HIGD1A: variants seen among roughly 807,000 people sequenced by gnomAD.
HIGD1A encodes HIG1 hypoxia inducible domain family member 1A, also known as HIG1 domain family member 1A, mitochondrial.
HIGD1A carries 8 observed loss-of-function variants against 11.3 expected under a neutral mutation model. That is an observed-to-expected ratio of 0.71 (90% CI 0.42 to 1.28). The LOEUF (loss-of-function observed/expected upper bound fraction) is 1.28, where lower values mean the gene tolerates loss of function less well. Ranked by LOEUF, HIGD1A falls within the 50% of genes most tolerant of loss-of-function variation. HIGD1A has a pLI of 0.01. For synonymous variants in HIGD1A, 32 were observed against 38.4 expected (o/e 0.83, Z 0.62); for missense variants, 107 against 118.8 (o/e 0.90, Z 0.46).
At chr3:42,786,224 C>A in intron 2 of HIGD1A, 62 bp from the exon 3 acceptor site, 1 of 1,516,258 alleles carries the variant, frequency 6.6e-7, no homozygotes, top group Admixed American at 1.7e-5. Flanking sequence ...ACTTTACCAT[C>A]AGTCAATGTA....
chr3:42,786,441 C>T (rs57317645), intron 2 of HIGD1A, among the ~76,000 whole-genome samples: 2,424 of 152,164 alleles, frequency 0.016, 42 homozygotes, highest in African/African-American at 0.055. Flanking sequence ...TAACAGGAAC[C>T]TAGATTATGA....
chr3:42,796,512 G>A lies in HIGD1A; in HGVS notation c.-22-2237C>T, dbSNP rs1221398741. 2.0e-5 allele frequency among the ~76,000 whole-genome samples: 3 copies of A among 151,794 alleles called. No individual in the cohort carries two copies. The East Asian group carries it at 5.8e-4, about 29-fold the overall frequency. On this transcript the variant is annotated intron_variant, in intron 1 of 3. Transcript: ENST00000321331. ...CCTTGCCCGCTGGCTAGACAGAGCT[G>A]ATTTACCAAGACAGGGGAATTGCAA...
Position 42,794,162 on chromosome 3 carries a change from G to T in HIGD1A, c.92C>A (p.Pro31His). The change falls in exon 2 of 4, where the codon CCC (proline) becomes CAC (histidine). Residue 31 changes from proline (P) to histidine (H), a missense_variant. By Grantham distance (77) the Pro-to-His change is moderately conservative (BLOSUM62 -2). Coordinates refer to ENST00000321331, the MANE Select transcript of HIGD1A (RefSeq NM_014056.4). ...AAAATGTCAGTCAAACTTACCAACG[G>T]GTACGAATGGTGCCTCTTTAGCTTT... is the stretch of plus-strand genomic sequence containing the variant. ...IRKAKEAPFV[P>H]VGIAGFAAIV... is the part of the protein sequence containing the mutation. The T allele has an allele frequency of 6.3e-7, 1 of 1,599,868 alleles. No homozygotes were observed. Among genetic ancestry groups the T allele is most frequent in the Non-Finnish European group, 8.5e-7 (1 of 1,175,884 alleles).
chr3:42,792,853 G>T (rs1243104940), intron 2 of HIGD1A, among the ~76,000 whole-genome samples: 3 of 151,446 alleles, frequency 2.0e-5, no homozygotes, highest in Admixed American at 1.3e-4. Flanking sequence ...GTGGCGGCGG[G>T]CACCTATAAT....
Position 42,802,286 on chromosome 3 carries a change from G to T in HIGD1A, c.-23+2150C>A, listed in dbSNP as rs373200748. 5.3e-5 allele frequency among the ~76,000 whole-genome samples: 8 copies of T among 152,190 alleles called. No homozygotes were observed. In the South Asian group the frequency reaches 1.2e-3, roughly 24 times the overall value. ...TGATACAGACTCTGAAGCTTGTATG[G>T]ATAGGGCATTTGACCTGGGTTTCAG... On this transcript the variant is annotated intron_variant, in intron 1 of 3. Transcript: ENST00000321331.
rs573923649 is a variant in HIGD1A at position 42,795,001 on chromosome 3, T to C, written c.-22-726A>G. ...AATGACCTATGATTAGTTTTTTTTC[T>C]TTTTTGAGACTGAGTCTTGCTCTGT... On this transcript the variant is annotated intron_variant, in intron 1 of 3. Coordinates refer to ENST00000321331, the MANE Select transcript of HIGD1A (RefSeq NM_014056.4). 1.1e-4 allele frequency among the ~76,000 whole-genome samples: 16 copies of C among 152,302 alleles called. 1 individual carries two copies. In the South Asian group the frequency reaches 3.3e-3, roughly 32 times the overall value.
chr3:42,795,846 T>C, intron 1 of HIGD1A, among the ~76,000 whole-genome samples: 1 of 152,270 alleles, frequency 6.6e-6, no homozygotes, highest in Non-Finnish European at 1.5e-5. Context: ...TATTTCATTT[T>C]AGCCACAATA....
rs1306097477 is a variant in HIGD1A at position 42,784,394 on chromosome 3, T to G, written c.*877A>C. ...AGACAAGAGAATTTCACAAGTGTGA[T>G]AGCCTTCTGTATATTATATAAAAGT... On this transcript the variant is annotated 3_prime_UTR_variant, in exon 4 of 4. Transcript: ENST00000321331. The G allele has an allele frequency of 6.6e-6, 1 of 152,288 alleles. No homozygotes were observed. The highest frequency in any genetic ancestry group is 1.9e-4 in the East Asian group (1 of 5,200). 9.4% of individuals were successfully genotyped at this position (152,288 alleles called of 1,614,324 possible).
At position 42,792,790 on chromosome 3, in the gene HIGD1A, G is replaced by A. The variant is rs535825332; in HGVS notation, c.97+1367C>T. Among the ~76,000 whole-genome samples the A allele has an allele frequency of 3.3e-5, 5 of 151,878 alleles. No homozygotes were observed. The East Asian group carries it at 7.7e-4, about 23-fold the overall frequency. ...AGATCAGGAGTTCGAGACCAGCCTG[G>A]CCAACATGATGAAACCCCCATCTCT... On this transcript the variant is annotated intron_variant, in intron 2 of 3. Coordinates refer to ENST00000321331, the MANE Select transcript of HIGD1A (RefSeq NM_014056.4).
intron 1 of HIGD1A, chr3:42,804,140 C>T (rs1216362568): frequency 6.2e-7 from 1 of 1,605,958 alleles, no homozygotes; most frequent in Non-Finnish European, 8.5e-7. Flanking sequence ...ATTACCACCC[C>T]ATCAGCGAGT....
intron 3 of HIGD1A, 131 bp downstream of exon 3, chr3:42,785,897 T>C: frequency 1.2e-6 from 1 of 811,650 alleles, no homozygotes; most frequent in Non-Finnish European, 2.0e-6. Flanking sequence ...TTAATTCATT[T>C]TTTACATGAA....
chr3:42,787,454 T>C (rs1700364761), intron 2 of HIGD1A, among the ~76,000 whole-genome samples: 1 of 151,702 alleles, frequency 6.6e-6, no homozygotes, highest in South Asian at 2.1e-4. Context: ...TAGCCGGGCA[T>C]GGTGGCATGC....
At chr3:42,790,537 G>T (rs1173337464) in intron 2 of HIGD1A, among the ~76,000 whole-genome samples, 1 of 152,022 alleles carries the variant, frequency 6.6e-6, no homozygotes, top group Non-Finnish European at 1.5e-5. Flanking sequence ...CGTCTCGAAA[G>T]AAAGAAAGAA....
chr3:42,804,271 G>T lies in HIGD1A; in HGVS notation c.-23+165C>A. The T allele has an allele frequency of 2.7e-6, 4 of 1,486,906 alleles. No individual in the cohort carries two copies. In the South Asian group the frequency reaches 4.7e-5, roughly 17 times the overall value. The allele number at this position is 1,486,906 out of a possible 1,614,324, so 92.1% of individuals were successfully genotyped here. A position where few individuals can be genotyped will look rare whatever the true frequency, so the allele number is the denominator to read the frequency against. On this transcript the variant is annotated intron_variant, in intron 1 of 3. Coordinates refer to ENST00000321331, the MANE Select transcript of HIGD1A (RefSeq NM_014056.4). ...ACTCCTCTCATCCGCCCATGCTCGAGGCCGGGCCTGAGCCCCGGCAACTCC... is the reference window on the plus strand; with the variant it reads ...ACTCCTCTCATCCGCCCATGCTCGATGCCGGGCCTGAGCCCCGGCAACTCC...
Position 42,784,551 on chromosome 3 carries a change from ATTTACC to A in HIGD1A, c.*714_*719del, listed in dbSNP as rs1442349324. The A allele has an allele frequency of 6.5e-6, 1 of 152,680 alleles. No individual in the cohort carries two copies. The highest frequency in any genetic ancestry group is 6.5e-5 in the Admixed American group (1 of 15,292). The allele number at this position is 152,680 out of a possible 1,614,324, so 9.5% of individuals were successfully genotyped here. The stretch of plus-strand genomic sequence containing the variant: ...CAACACACACATTTAAAACGTGTTC[ATTTACC>A]TTTGCGTGAGTGCTTAAAATACATA... On this transcript the variant is annotated 3_prime_UTR_variant, in exon 4 of 4. Coordinates refer to ENST00000321331, the MANE Select transcript of HIGD1A (RefSeq NM_014056.4).
chr3:42,789,810 C>T (rs547385028), intron 2 of HIGD1A, among the ~76,000 whole-genome samples: 1 of 152,094 alleles, frequency 6.6e-6, no homozygotes, highest in Non-Finnish European at 1.5e-5. Flanking sequence ...CAGCTTCGAC[C>T]TCCCAGGCTC....
rs746634555 is a variant in HIGD1A, at chr3:42,784,246, T to C, written c.*1025A>G. ...AAAGACAATTTCCTGAAACTTGTTCTCAAATTTGTTCCTCTACAGAAAGCT... is the reference window on the plus strand; with the variant it reads ...AAAGACAATTTCCTGAAACTTGTTCCCAAATTTGTTCCTCTACAGAAAGCT... On this transcript the variant is annotated 3_prime_UTR_variant, in exon 4 of 4. Transcript: ENST00000321331. 2 of 152,218 alleles carry C rather than the reference T, an allele frequency of 1.3e-5. No individual in the cohort carries two copies. Among genetic ancestry groups the C allele is most frequent in the Non-Finnish European group, 2.9e-5 (2 of 68,024 alleles). The allele number at this position is 152,218 out of a possible 1,614,324, so 9.4% of individuals were successfully genotyped here.
At chr3:42,800,689 C>T (rs1176845463) in intron 1 of HIGD1A, among the ~76,000 whole-genome samples, 1 of 151,190 alleles carries the variant, frequency 6.6e-6, no homozygotes, top group Non-Finnish European at 1.5e-5. Context: ...CCATAATTAT[C>T]AGAATTATTT....
At chr3:42,799,297 T>TAAAAAAAAAAAAA (rs532630050) in intron 1 of HIGD1A, among the ~76,000 whole-genome samples, 1 of 114,582 alleles carries the variant, frequency 8.7e-6, no homozygotes, top group African/African-American at 3.8e-5. Context: ...AAAAATAAAT[T>TAAAAAAAAAAAAA]AAAAAAAAAA....
Sources: allele counts gnomAD v4.1 joint callset (sites outside exome capture counted in the v4.1 genomes callset), GRCh38; gene constraint gnomAD v4.1.1; transcripts MANE v1.5; gene names NCBI Gene and HGNC (gene_info 2026-07-23, HGNC 2026-07-21).